The following RIN3 variants were observed in gnomAD, a reference collection of about 807,000 sequenced individuals.
RIN3 encodes the protein Ras and Rab interactor 3.
In RIN3, 54 loss-of-function variants were observed where a neutral mutation model predicts 76.3. The ratio of observed to expected loss-of-function variants is 0.71; its 90% CI spans 0.57 to 0.89. The LOEUF is 0.89. RIN3 is among the 40% of genes least tolerant of loss of function. The pLI, the probability that RIN3 is intolerant of heterozygous loss-of-function variation, is 0.00. For missense variants in RIN3, 1,256 were observed against 1,322.1 expected (o/e 0.95, Z 0.78); for synonymous variants, 576 against 564.0 (o/e 1.02, Z -0.30).
rs752953250 is a variant in RIN3 at position 92,659,201 on chromosome 14, G to T, written c.2067G>T (p.Lys689Asn). 6.2e-7 allele frequency: 1 copy of T among 1,614,174 alleles called. No individual in the cohort carries two copies. Among genetic ancestry groups the T allele is most frequent in the South Asian group, 1.1e-5 (1 of 91,086 alleles). ...VESALYKCVLKPLKEAINSCL... is the reference protein window; with the variant it reads ...VESALYKCVLNPLKEAINSCL... Reference sequence around the variant, plus strand: ...CTGCCTTGTACAAATGTGTCCTGAAGCCCCTGAAGGAAGCCATCAACTCAT... The same window carrying T: ...CTGCCTTGTACAAATGTGTCCTGAATCCCCTGAAGGAAGCCATCAACTCAT... The change falls in exon 7 of 10, where the codon AAG (lysine) becomes AAT (asparagine). Residue 689 changes from lysine to asparagine, a missense_variant. Physicochemically the swap from Lys to Asn is moderately conservative, Grantham distance 94 (BLOSUM62 0). Transcript: ENST00000216487.
chr14:92,561,085 A>G (rs918247732), intron 2 of RIN3, among the ~76,000 whole-genome samples: 4 of 130,992 alleles, frequency 3.1e-5, no homozygotes, highest in Non-Finnish European at 4.8e-5. Flanking sequence ...AAATATATAT[A>G]TATCTGCCAT....
intron 1 of RIN3, among the ~76,000 whole-genome samples, chr14:92,551,478 G>C (rs1038016494): frequency 6.6e-6 from 1 of 152,134 alleles, no homozygotes; most frequent in South Asian, 2.1e-4. Context: ...GAGTGGAATC[G>C]CTGGGCCATA....
chr14:92,679,705 C>A (rs1375588510), intron 8 of RIN3, among the ~76,000 whole-genome samples: 1 of 152,172 alleles, frequency 6.6e-6, no homozygotes, highest in African/African-American at 2.4e-5. Flanking sequence ...GGGAGGGAGA[C>A]TGAGCCCTGA....
chr14:92,534,239 A>ATTTTT (rs34391787), intron 1 of RIN3, among the ~76,000 whole-genome samples: 6 of 126,614 alleles, frequency 4.7e-5, no homozygotes, highest in Non-Finnish European at 5.0e-5. Flanking sequence ...GAGTCATGTC[A>ATTTTT]TTTTTTTTTT....
intron 7 of RIN3, among the ~76,000 whole-genome samples, chr14:92,674,833 G>A (rs992046288): frequency 8.0e-5 from 12 of 150,426 alleles, no homozygotes; most frequent in Admixed American, 2.0e-4. Context: ...AGGTTGCAGT[G>A]AGCCGAGATG....
In RIN3 at chr14:92,547,072, T is replaced by TTATA. The variant is rs1566836527; in HGVS notation, c.45-8678_45-8677insATAT. Among the ~76,000 whole-genome samples the TTATA allele has an allele frequency of 1.9e-4, 22 of 114,022 alleles. 5 individuals are homozygous for TTATA. Among genetic ancestry groups the TTATA allele is most frequent in the Non-Finnish European group, 3.9e-4 (21 of 53,386 alleles). 74.8% of individuals were successfully genotyped at this position (114,022 alleles called of 152,430 possible). A position where few individuals can be genotyped will look rare whatever the true frequency, so the allele number is the denominator to read the frequency against. On this transcript the variant is annotated intron_variant, in intron 1 of 9. Coordinates refer to ENST00000216487, the MANE Select transcript of RIN3 (RefSeq NM_024832.5). Reference sequence around the variant, plus strand: ...TATAATAAAATAAATTATATTTTATTTTATATTATATTATATTATATTATA... The same window carrying TTATA: ...TATAATAAAATAAATTATATTTTATTTATATTATATTATATTATATTATATTATA...
At chr14:92,620,348 C>T (rs185184095) in intron 4 of RIN3, among the ~76,000 whole-genome samples, 46 of 152,172 alleles carry the variant, frequency 3.0e-4, no homozygotes, top group African/African-American at 1.1e-3. Flanking sequence ...ATTGTGGAGA[C>T]GTTAGGCAGA....
chr14:92,530,893 T>C (rs1896864775), intron 1 of RIN3, among the ~76,000 whole-genome samples: 1 of 152,120 alleles, frequency 6.6e-6, no homozygotes, highest in African/African-American at 2.4e-5. Context: ...GTGAAGAACC[T>C]GGGAGGCACA....
At chr14:92,609,778 C>T (rs1233169759) in intron 3 of RIN3, among the ~76,000 whole-genome samples, 3 of 151,854 alleles carry the variant, frequency 2.0e-5, no homozygotes, top group African/African-American at 4.8e-5. Context: ...TCTCCGCTTA[C>T]AGAAGTTGTA....
intron 3 of RIN3, among the ~76,000 whole-genome samples, chr14:92,602,873 G>A (rs1200382070): frequency 6.6e-6 from 1 of 152,124 alleles, no homozygotes; most frequent in Non-Finnish European, 1.5e-5. Flanking sequence ...CTGTGCCATG[G>A]GGAGGGTGCA....
chr14:92,550,487 C>T (rs1266164316), intron 1 of RIN3, among the ~76,000 whole-genome samples: 1 of 152,130 alleles, frequency 6.6e-6, no homozygotes, highest in Non-Finnish European at 1.5e-5. Context: ...GATCTCAGCT[C>T]ACTGCAGCCT....
intron 1 of RIN3, among the ~76,000 whole-genome samples, chr14:92,531,528 A>G (rs1229763470): frequency 6.6e-6 from 1 of 152,208 alleles, no homozygotes; most frequent in Non-Finnish European, 1.5e-5. Context: ...TTGCAAGGGC[A>G]CCTGGGCCTG....
chr14:92,593,261 A>G (rs1023662484), intron 3 of RIN3, among the ~76,000 whole-genome samples: 1 of 152,252 alleles, frequency 6.6e-6, no homozygotes, highest in Non-Finnish European at 1.5e-5. Flanking sequence ...AAGTGGGACC[A>G]AAGAACAAGG....
chr14:92,602,076 C>T (rs11160078), intron 3 of RIN3, among the ~76,000 whole-genome samples: 75,863 of 152,060 alleles, frequency 0.5, 19,664 homozygotes, highest in Admixed American at 0.6. Context: ...GCAGCAACGA[C>T]GAGCCCTGTG....
intron 4 of RIN3, among the ~76,000 whole-genome samples, chr14:92,632,847 G>A (rs1043585864): frequency 1.3e-5 from 2 of 152,246 alleles, no homozygotes; most frequent in African/African-American, 4.8e-5. Context: ...AAAGCTATGG[G>A]CAGCCTCAGG....
At chr14:92,610,330 T>TC (rs752435422) in intron 3 of RIN3, among the ~76,000 whole-genome samples, 2 of 151,988 alleles carry the variant, frequency 1.3e-5, no homozygotes, top group South Asian at 4.2e-4. Flanking sequence ...TCCCCCTATC[T>TC]CCCCCTACCC....
chr14:92,557,566 C>A (rs1039173109), intron 2 of RIN3, among the ~76,000 whole-genome samples: 5 of 152,232 alleles, frequency 3.3e-5, no homozygotes, highest in African/African-American at 1.2e-4. Flanking sequence ...GCCAGTTGTA[C>A]CTGAAAATCG....
At chr14:92,560,840 G>A (rs1897741479) in intron 2 of RIN3, among the ~76,000 whole-genome samples, 1 of 151,036 alleles carries the variant, frequency 6.6e-6, no homozygotes, top group African/African-American at 2.4e-5. Flanking sequence ...TCAACATGAT[G>A]AAACCACGTC....
rs137884226 is a variant in RIN3 at position 92,602,625 on chromosome 14, CATT to C, written c.368-12765_368-12763del. Among the ~76,000 whole-genome samples the C allele has an allele frequency of 2.7e-3, 405 of 152,098 alleles. 2 individuals are homozygous for C. The highest frequency in any genetic ancestry group is 8.6e-3 in the African/African-American group (356 of 41,492). ...TGAGCACTTATTAAATGGAAGATGA[CATT>C]ATTATTATTATTATTAAAACTTTGA... On this transcript the variant is annotated intron_variant, in intron 3 of 9. Coordinates refer to ENST00000216487, the MANE Select transcript of RIN3 (RefSeq NM_024832.5).
Sources: allele counts gnomAD v4.1 joint callset (sites outside exome capture counted in the v4.1 genomes callset), GRCh38; gene constraint gnomAD v4.1.1; transcripts MANE v1.5; gene names NCBI Gene and HGNC (gene_info 2026-07-23, HGNC 2026-07-21).